Variants in RALYL observed in about 807,000 individuals in gnomAD.
RALYL encodes RNA-binding Raly-like protein.
RALYL carries 29 observed loss-of-function variants against 35.1 expected under a neutral mutation model. That is an observed-to-expected ratio of 0.83 (90% confidence interval 0.61 to 1.13). The LOEUF is 1.13. Among genes scored for constraint, RALYL ranks in the 50% most tolerant of loss-of-function variants. The pLI is 0.00. For missense variants in RALYL, 359 were observed against 360.4 expected (o/e 1.00, Z 0.03); for synonymous variants, 120 against 127.6 (o/e 0.94, Z 0.40).
At chr8:84,575,023 C>G (rs1006366386) in intron 2 of RALYL, among the ~76,000 whole-genome samples, 3 of 152,074 alleles carry the variant, frequency 2.0e-5, no homozygotes, top group Non-Finnish European at 4.4e-5. Context: ...ATTTCTTCCC[C>G]CTTGATGATG....
chr8:84,604,045 G>A (rs1189764730), intron 2 of RALYL, among the ~76,000 whole-genome samples: 2 of 151,986 alleles, frequency 1.3e-5, no homozygotes, highest in Non-Finnish European at 2.9e-5. Flanking sequence ...TTGAATACTT[G>A]AATAAGAAAG....
intron 1 of RALYL, among the ~76,000 whole-genome samples, chr8:84,452,784 T>A (rs558734954): frequency 6.6e-6 from 1 of 152,102 alleles, no homozygotes; most frequent in East Asian, 1.9e-4. Context: ...TTTCTAAATA[T>A]AAAACAGGAT....
intron 1 of RALYL, among the ~76,000 whole-genome samples, chr8:84,389,877 T>C (rs1342631841): frequency 1.3e-5 from 2 of 151,386 alleles, no homozygotes; most frequent in Non-Finnish European, 2.9e-5. Context: ...CTTCCAACAG[T>C]ATGTTGAATA....
chr8:84,604,028 C>T (rs2130783946), intron 2 of RALYL, among the ~76,000 whole-genome samples: 1 of 152,172 alleles, frequency 6.6e-6, no homozygotes, highest in East Asian at 1.9e-4. Flanking sequence ...TTTATGGAAC[C>T]AATGACTTGA....
At chr8:84,852,398 C>A (rs1030657825) in intron 5 of RALYL, among the ~76,000 whole-genome samples, 1 of 152,034 alleles carries the variant, frequency 6.6e-6, no homozygotes, top group Non-Finnish European at 1.5e-5. Flanking sequence ...AAACATCTGG[C>A]AGCATTAAAA....
At chr8:84,554,610 T>C (rs555984289) in intron 2 of RALYL, among the ~76,000 whole-genome samples, 2 of 152,226 alleles carry the variant, frequency 1.3e-5, no homozygotes, top group African/African-American at 4.8e-5. Flanking sequence ...ACTCCGTTTC[T>C]CCAGCACCTG....
intron 2 of RALYL, among the ~76,000 whole-genome samples, chr8:84,740,747 A>G (rs1807110393): frequency 6.6e-6 from 1 of 152,042 alleles, no homozygotes; most frequent in Non-Finnish European, 1.5e-5. Flanking sequence ...TAGTGTGGAT[A>G]AAATCGATGG....
At chr8:84,288,511 G>A (rs928206997) in intron 1 of RALYL, among the ~76,000 whole-genome samples, 1 of 146,776 alleles carries the variant, frequency 6.8e-6, no homozygotes, top group African/African-American at 2.4e-5. Context: ...AATTCTGTGT[G>A]GAAAGTTTTT....
chr8:84,620,794 G>C (rs1821172716), intron 2 of RALYL, among the ~76,000 whole-genome samples: 1 of 152,018 alleles, frequency 6.6e-6, no homozygotes, highest in African/African-American at 2.4e-5. Flanking sequence ...CTTTCTGTTT[G>C]TTAGTTTTCC....
chr8:84,745,948 T>C (rs1314909135), intron 2 of RALYL, among the ~76,000 whole-genome samples: 1 of 152,040 alleles, frequency 6.6e-6, no homozygotes, highest in Non-Finnish European at 1.5e-5. Flanking sequence ...CACTCCAGGC[T>C]ATGGAAGAAC....
intron 2 of RALYL, among the ~76,000 whole-genome samples, chr8:84,745,314 AT>A: frequency 6.6e-6 from 1 of 152,120 alleles, no homozygotes; most frequent in East Asian, 1.9e-4. Flanking sequence ...TAATGGTTTA[AT>A]TTATGTAAAA....
intron 4 of RALYL, among the ~76,000 whole-genome samples, chr8:84,814,010 TA>T (rs1262740034): frequency 1.3e-5 from 2 of 151,766 alleles, no homozygotes; most frequent in African/African-American, 4.8e-5. Flanking sequence ...CTTGGTTTTT[TA>T]TCCTTGCGAT....
At chr8:84,416,431 G>A (rs941228097) in intron 1 of RALYL, among the ~76,000 whole-genome samples, 2 of 152,184 alleles carry the variant, frequency 1.3e-5, no homozygotes, top group African/African-American at 2.4e-5. Flanking sequence ...CATTTAGGAA[G>A]TAGTAAGTAG....
At chr8:84,547,295 T>C (rs541710475) in intron 2 of RALYL, among the ~76,000 whole-genome samples, 1 of 152,182 alleles carries the variant, frequency 6.6e-6, no homozygotes, top group Non-Finnish European at 1.5e-5. Flanking sequence ...GCACTTGATA[T>C]GCTATATTTT....
At chr8:84,740,478 A>AAAT (rs2133043548) in intron 2 of RALYL, among the ~76,000 whole-genome samples, 3 of 152,160 alleles carry the variant, frequency 2.0e-5, no homozygotes, top group African/African-American at 7.2e-5. Flanking sequence ...CCTAATCTTT[A>AAAT]GAAGCTGTGA....
At chr8:84,642,817 GC>G (rs1403487258) in intron 2 of RALYL, among the ~76,000 whole-genome samples, 1 of 152,000 alleles carries the variant, frequency 6.6e-6, no homozygotes, top group Admixed American at 6.6e-5. Context: ...AGGAGAAGAA[GC>G]TTTTGAGCCA....
chr8:84,349,353 T>TATA, intron 1 of RALYL, among the ~76,000 whole-genome samples: 1 of 150,594 alleles, frequency 6.6e-6, no homozygotes, highest in African/African-American at 2.5e-5. Context: ...TCATGAGTAC[T>TATA]TCACGTAGAT....
chr8:84,544,492 C>T (rs1012276553), intron 2 of RALYL, among the ~76,000 whole-genome samples: 10 of 151,910 alleles, frequency 6.6e-5, no homozygotes, highest in Admixed American at 3.3e-4. Context: ...TTTATCATTG[C>T]ATAGTATTCT....
At chr8:84,576,195 T>C (rs1017885617) in intron 2 of RALYL, among the ~76,000 whole-genome samples, 1 of 152,202 alleles carries the variant, frequency 6.6e-6, no homozygotes, top group African/African-American at 2.4e-5. Flanking sequence ...TATTTTGGAC[T>C]GTGAAAGTAA....
Sources: gnomAD v4.1 joint callset for allele counts (sites outside exome capture counted in the v4.1 genomes callset) on GRCh38, gnomAD v4.1.1 for gene constraint, MANE v1.5 for transcripts, NCBI Gene and HGNC (gene_info 2026-07-23, HGNC 2026-07-21) for gene names.